The following DNM1 variants were observed in gnomAD, a reference collection of about 807,000 sequenced individuals.
DNM1 encodes the protein dynamin-1.
DNM1 carries 29 observed loss-of-function variants against 104.6 expected under a neutral mutation model. That is an observed-to-expected ratio of 0.28 (90% CI 0.21 to 0.38). The LOEUF (loss-of-function observed/expected upper bound fraction) is 0.38. DNM1 is among the 10% of genes least tolerant of loss of function. The pLI is 1.00. For synonymous variants in DNM1, 445 were observed against 475.8 expected, an observed-to-expected ratio of 0.94 and a Z score of 0.84; for missense variants, 640 against 1,189.4, an observed-to-expected ratio of 0.54 and a Z score of 6.79.
chr9:128,236,671 C>A (rs1264633187), intron 11 of DNM1, among the ~76,000 whole-genome samples: 2 of 151,956 alleles, frequency 1.3e-5, no homozygotes, highest in Non-Finnish European at 2.9e-5. Flanking sequence ...GGCAACATGG[C>A]AAGACCCCGT....
chr9:128,240,016 C>A lies in DNM1; in HGVS notation c.1557+20C>A. ...ATTCTGGTGAGTACCAGGACTGGGGCTCTCGGCTTGTGTAGTGAGGGGGCG... is the reference window on the plus strand; with the variant it reads ...ATTCTGGTGAGTACCAGGACTGGGGATCTCGGCTTGTGTAGTGAGGGGGCG... On this transcript the variant is annotated intron_variant, in intron 14 of 21. Coordinates refer to ENST00000372923, the MANE Select transcript of DNM1 (RefSeq NM_004408.4). This position sits in a 1 kb window ranked among gnomAD's most constrained non-coding sequence, Gnocchi z 5.1. The A allele has an allele frequency of 6.2e-7, 1 of 1,614,058 alleles. No homozygotes were observed. The highest frequency in any genetic ancestry group is 8.5e-7 in the Non-Finnish European group (1 of 1,179,950).
At chr9:128,231,194 C>CTT (rs72047067) in intron 10 of DNM1, among the ~76,000 whole-genome samples, 23,646 of 68,530 alleles carry the variant, frequency 0.35, 3,305 homozygotes, top group East Asian at 0.46. Context: ...ATACTTTTGC[C>CTT]TTTTTTTTTT....
At chr9:128,207,437 G>A (rs1834035125) in intron 1 of DNM1, among the ~76,000 whole-genome samples, 1 of 152,020 alleles carries the variant, frequency 6.6e-6, no homozygotes, top group East Asian at 1.9e-4. Flanking sequence ...TGGTGCCCTA[G>A]GCCAAAGGGG....
In DNM1 at chr9:128,242,235, A is replaced by G; in HGVS notation, c.1561A>G (p.Ile521Val). Residue 521 changes from isoleucine (I) to valine (V), a missense_variant, in exon 15 of 22, where the codon ATC becomes GTC. Transcript: ENST00000372923. ...TSGNQDEILV[I>V]RKGWLTINNI... ...CTCCTGCCCCATCACCCTCCAGGTCATCCGCAAGGGCTGGCTGACTATCAA... is the reference window on the plus strand; with the variant it reads ...CTCCTGCCCCATCACCCTCCAGGTCGTCCGCAAGGGCTGGCTGACTATCAA... 1.3e-6 allele frequency: 2 copies of G among 1,597,898 alleles called. No homozygotes were observed. Among genetic ancestry groups the G allele is most frequent in the Non-Finnish European group, 1.7e-6 (2 of 1,165,330 alleles).
rs564572576 is a variant in DNM1, at chr9:128,250,463, C to T, written c.2318+107C>T. ...CCCGCGTCACCGGGGTGGCTCCCAC[C>T]TGGAGCGAGGGGCGGAGCTTAGAGA... On this transcript the variant is annotated intron_variant, in intron 20 of 21. Coordinates refer to ENST00000372923, the MANE Select transcript of DNM1 (RefSeq NM_004408.4). The T allele has an allele frequency of 1.5e-4, 184 of 1,266,164 alleles. No homozygotes were observed. The Admixed American group carries it at 2.8e-3, about 19-fold the overall frequency. The allele number at this position is 1,266,164 out of a possible 1,614,324, so 78.4% of individuals were successfully genotyped here.
intron 20 of DNM1, 22 bp from the exon 21 acceptor site, chr9:128,250,703 C>A: frequency 1.4e-6 from 2 of 1,457,136 alleles, no homozygotes; most frequent in Admixed American, 2.5e-5. Flanking sequence ...TCTCCTTGTT[C>A]CTCGCTCCCT....
rs1834774618 is a variant in DNM1, at chr9:128,218,891, C to G, written c.386-158C>G. 2 of 1,293,664 alleles carry G rather than the reference C, an allele frequency of 1.5e-6. No homozygotes were observed. Among genetic ancestry groups the G allele is most frequent in the South Asian group, 2.9e-5 (2 of 70,066 alleles). 80.1% of individuals were successfully genotyped at this position (1,293,664 alleles called of 1,614,324 possible). On this transcript the variant is annotated intron_variant, in intron 3 of 21. Transcript: ENST00000372923. The surrounding 1 kb of genome is among the most constrained non-coding windows in gnomAD (Gnocchi z 4.8). ...TGCCGTGATTCCGCCCACTTCCGGC[C>G]ACGCCTCCAACAGACTGCCACTTTC...
chr9:128,218,662 G>A lies in DNM1; in HGVS notation c.316G>A (p.Asp106Asn), dbSNP rs1834756606. ...GCGCCTTGAGATCGAGGCCGAGACC[G>A]ACAGGGTCACCGGCACCAACAAGGG... ...EVRLEIEAETDRVTGTNKGIS... is the reference protein window; with the variant it reads ...EVRLEIEAETNRVTGTNKGIS... The change falls in exon 3 of 22, where the codon GAC becomes AAC. Residue 106 changes from aspartate (D) to asparagine (N), a missense_variant. By Grantham distance (23) the Asp-to-Asn change is conservative. Around this residue, in one of 7 missense-constraint regions of DNM1, gnomAD observed 172 missense variants for 335.3 expected, o/e 0.51. Coordinates refer to ENST00000372923, the MANE Select transcript of DNM1 (RefSeq NM_004408.4). The surrounding 1 kb of genome is among the most constrained non-coding windows in gnomAD (Gnocchi z 4.8). 6.2e-7 allele frequency: 1 copy of A among 1,613,198 alleles called. No homozygotes were observed. The highest frequency in any genetic ancestry group is 1.1e-5 in the South Asian group (1 of 91,016).
intron 21 of DNM1, chr9:128,251,772 C>G (rs536420593): frequency 6.5e-6 from 1 of 152,944 alleles, no homozygotes; most frequent in South Asian, 2.0e-4. Flanking sequence ...CATCCTTTGG[C>G]TTGACCTTCT....
chr9:128,250,623 T>C, intron 20 of DNM1, 102 bp from the exon 21 acceptor site: 1 of 1,116,014 alleles, frequency 9.0e-7, no homozygotes, highest in Non-Finnish European at 1.2e-6. Context: ...GGGAGGGGCT[T>C]GCGTGCATGG....
chr9:128,204,713 A>G (rs1833804011), intron 1 of DNM1: 1 of 152,412 alleles, frequency 6.6e-6, no homozygotes, highest in Non-Finnish European at 1.5e-5. Context: ...GAGAGTTTAC[A>G]CTGACCCCGT....
chr9:128,240,025 T>G lies in DNM1; in HGVS notation c.1557+29T>G. ...AGTACCAGGACTGGGGCTCTCGGCTTGTGTAGTGAGGGGGCGGAGGGTCCA... is the reference window on the plus strand; with the variant it reads ...AGTACCAGGACTGGGGCTCTCGGCTGGTGTAGTGAGGGGGCGGAGGGTCCA... On this transcript the variant is annotated intron_variant, in intron 14 of 21. Coordinates refer to ENST00000372923, the MANE Select transcript of DNM1 (RefSeq NM_004408.4). This position sits in a 1 kb window ranked among gnomAD's most constrained non-coding sequence, Gnocchi z 5.1. 1 of 1,613,944 alleles carries G rather than the reference T, an allele frequency of 6.2e-7. No individual in the cohort carries two copies. The highest frequency in any genetic ancestry group is 8.5e-7 in the Non-Finnish European group (1 of 1,179,890).
At chr9:128,208,536 G>C (rs1242690383) in intron 1 of DNM1, among the ~76,000 whole-genome samples, 1 of 152,146 alleles carries the variant, frequency 6.6e-6, no homozygotes, top group Admixed American at 6.5e-5. Context: ...CTCAGATTTG[G>C]AGATGGAGGC....
At chr9:128,246,161 C>T (rs1339153130) in intron 15 of DNM1, among the ~76,000 whole-genome samples, 1 of 152,182 alleles carries the variant, frequency 6.6e-6, no homozygotes, top group Admixed American at 6.5e-5. Flanking sequence ...CCCCACCCCT[C>T]ACCAGCCCCC....
intron 10 of DNM1, among the ~76,000 whole-genome samples, chr9:128,225,850 G>T (rs1362420252): frequency 1.3e-5 from 2 of 152,120 alleles, no homozygotes; most frequent in East Asian, 3.9e-4. Flanking sequence ...GGGAGGGCCG[G>T]TCCCACGCTC....
chr9:128,244,306 T>G (rs1836608760), intron 15 of DNM1, among the ~76,000 whole-genome samples: 1 of 151,338 alleles, frequency 6.6e-6, no homozygotes, highest in African/African-American at 2.4e-5. Context: ...ATTGAAAGTG[T>G]GGGGGTGCTC....
intron 1 of DNM1, among the ~76,000 whole-genome samples, chr9:128,207,912 G>A (rs1834064277): frequency 6.6e-6 from 1 of 152,022 alleles, no homozygotes; most frequent in African/African-American, 2.4e-5. Context: ...TAGGGTAGGG[G>A]TCCTGAGGAG....
In DNM1 at chr9:128,254,601, T is replaced by A; in HGVS notation, c.2535-53T>A. The A allele has an allele frequency of 6.4e-7, 1 of 1,551,598 alleles. No individual in the cohort carries two copies. The highest frequency in any genetic ancestry group is 1.1e-5 in the South Asian group (1 of 90,494). On this transcript the variant is annotated intron_variant, in intron 21 of 21. Transcript: ENST00000372923. The surrounding 1 kb of genome is among the most constrained non-coding windows in gnomAD (Gnocchi z 6.1). ...CGTGTGCTGCGCTTGCCTTACCAGC[T>A]CTCTCCTCGCTTTTCTCTCCCGTTT...
Position 128,220,249 on chromosome 9 carries a change from G to T in DNM1, c.757G>T (p.Ala253Ser), listed in dbSNP as rs752005713. The T allele has an allele frequency of 1.2e-6, 2 of 1,614,240 alleles. No individual in the cohort carries two copies. The highest frequency in any genetic ancestry group is 3.3e-5 in the Admixed American group (2 of 60,018). ...DGKKDITAAL[A>S]AERKFFLSHP... is the part of the protein sequence containing the mutation. ...CAAGAAGGACATTACCGCCGCCTTG[G>T]CTGCTGAACGAAAGTTCTTCCTCTC... Residue 253 changes from alanine (A) to serine (S), a missense_variant, in exon 6 of 22, where the codon GCT becomes TCT. Around this residue, in one of 7 missense-constraint regions of DNM1, gnomAD observed 81 missense variants for 99.8 expected, o/e 0.81. Transcript: ENST00000372923. This position sits in a 1 kb window ranked among gnomAD's most constrained non-coding sequence, Gnocchi z 5.2.
Sources: gnomAD v4.1 joint callset for allele counts (sites outside exome capture counted in the v4.1 genomes callset) on GRCh38, gnomAD v4.1.1 for gene constraint, gnomAD v4.1.1 regional missense constraint, Gnocchi (gnomAD v3.1) non-coding constraint, MANE v1.5 for transcripts, NCBI Gene and HGNC (gene_info 2026-07-23, HGNC 2026-07-21) for gene names.